ERC2: variants seen among roughly 807,000 people sequenced by gnomAD.
ERC2 encodes ERC protein 2.
ERC2 carries 42 observed loss-of-function variants against 114.8 expected under a neutral mutation model. The observed-to-expected ratio is 0.37, with a 90% CI of 0.29 to 0.47. The LOEUF is 0.47. Among genes scored for constraint, ERC2 ranks in the 20% least tolerant of loss-of-function variants. ERC2 has a pLI of 0.99. For synonymous variants in ERC2, 454 were observed against 425.5 expected (o/e 1.07, Z -0.82); for missense variants, 939 against 1,150.7 (o/e 0.82, Z 2.66).
At chr3:56,368,895 A>T (rs1228655403) in intron 2 of ERC2, among the ~76,000 whole-genome samples, 1 of 152,192 alleles carries the variant, frequency 6.6e-6, no homozygotes, top group Non-Finnish European at 1.5e-5. Flanking sequence ...TAAATATAGC[A>T]GTGAAATTCT....
intron 17 of ERC2, among the ~76,000 whole-genome samples, chr3:55,662,110 G>A (rs1325242920): frequency 9.2e-5 from 14 of 152,238 alleles, no homozygotes; most frequent in East Asian, 3.8e-4. Flanking sequence ...ACAGGACAGC[G>A]TGGGCTGGGA....
At chr3:56,276,471 A>AAAAAAAAAAAAAAC (rs2054002763) in intron 3 of ERC2, among the ~76,000 whole-genome samples, 2 of 151,412 alleles carry the variant, frequency 1.3e-5, no homozygotes, top group East Asian at 1.9e-4. Flanking sequence ...AAAAAAAAAA[A>AAAAAAAAAAAAAAC]AAAAAACAAA....
chr3:55,839,893 T>A (rs1407366145), intron 14 of ERC2, among the ~76,000 whole-genome samples: 1 of 151,942 alleles, frequency 6.6e-6, no homozygotes. Flanking sequence ...AATGCAAAGA[T>A]TTTCATACTG....
At chr3:55,915,058 T>C (rs1045662413) in intron 13 of ERC2, among the ~76,000 whole-genome samples, 2 of 152,182 alleles carry the variant, frequency 1.3e-5, no homozygotes, top group East Asian at 1.9e-4. Context: ...ACTTTTTAAT[T>C]TGATCCACCC....
At chr3:55,792,585 A>G (rs891283469) in intron 14 of ERC2, among the ~76,000 whole-genome samples, 12 of 152,174 alleles carry the variant, frequency 7.9e-5, no homozygotes, top group African/African-American at 2.9e-4. Context: ...TTTGTTGTCT[A>G]TGGAATGTAG....
At chr3:55,521,850 C>T (rs1053393194) in intron 17 of ERC2, among the ~76,000 whole-genome samples, 5 of 152,204 alleles carry the variant, frequency 3.3e-5, no homozygotes, top group African/African-American at 4.8e-5. Flanking sequence ...TGTTGACACA[C>T]GCTGGCCTGG....
chr3:56,108,952 T>C (rs1322523578), intron 6 of ERC2, among the ~76,000 whole-genome samples: 3 of 152,182 alleles, frequency 2.0e-5, no homozygotes, highest in Non-Finnish European at 4.4e-5. Context: ...TAAATTATAT[T>C]AAGATAAATT....
intron 2 of ERC2, among the ~76,000 whole-genome samples, chr3:56,336,469 G>T (rs1288034190): frequency 6.6e-6 from 1 of 152,108 alleles, no homozygotes; most frequent in African/African-American, 2.4e-5. Context: ...GTGTGGTGAT[G>T]AATGCAGATG....
chr3:56,179,148 G>A (rs935993651), intron 3 of ERC2, among the ~76,000 whole-genome samples: 2 of 152,180 alleles, frequency 1.3e-5, no homozygotes, highest in African/African-American at 4.8e-5. Flanking sequence ...CGTCGTGGTG[G>A]CATGCAGCCC....
intron 13 of ERC2, among the ~76,000 whole-genome samples, chr3:55,930,075 C>T (rs905924218): frequency 1.3e-5 from 2 of 152,030 alleles, no homozygotes; most frequent in African/African-American, 2.4e-5. Context: ...CCAATCTCAA[C>T]AAAAAATATA....
At chr3:55,721,572 G>C (rs922528573) in intron 15 of ERC2, among the ~76,000 whole-genome samples, 2 of 152,234 alleles carry the variant, frequency 1.3e-5, no homozygotes, top group African/African-American at 4.8e-5. Context: ...GCCTGTGAGA[G>C]AGAAGCAAAA....
intron 14 of ERC2, among the ~76,000 whole-genome samples, chr3:55,855,890 A>G (rs961527865): frequency 2.6e-5 from 4 of 152,246 alleles, no homozygotes; most frequent in Non-Finnish European, 1.5e-5. Context: ...TTACATAAAA[A>G]GGTGTCCCTG....
intron 7 of ERC2, among the ~76,000 whole-genome samples, chr3:56,068,184 G>T (rs779188700): frequency 7.9e-5 from 12 of 152,072 alleles, no homozygotes; most frequent in Non-Finnish European, 1.8e-4. Context: ...TTTTTTGGTT[G>T]GCGGGCTATT....
intron 3 of ERC2, among the ~76,000 whole-genome samples, chr3:56,250,915 C>T (rs1010955134): frequency 1.3e-5 from 2 of 152,144 alleles, no homozygotes; most frequent in South Asian, 2.1e-4. Context: ...ACCCGCAAAC[C>T]AGCAAAATCT....
At chr3:56,446,536 C>A (rs1392333336) in intron 1 of ERC2, among the ~76,000 whole-genome samples, 1 of 151,426 alleles carries the variant, frequency 6.6e-6, no homozygotes, top group Admixed American at 6.6e-5. Context: ...ATAAGGTATT[C>A]CCAGAAAGTA....
chr3:55,796,562 A>T (rs1380285717), intron 14 of ERC2, among the ~76,000 whole-genome samples: 1 of 152,144 alleles, frequency 6.6e-6, no homozygotes, highest in Non-Finnish European at 1.5e-5. Flanking sequence ...AGTAGCTAGG[A>T]TTATAGGCTT....
Position 56,032,917 on chromosome 3 carries a change from A to C in ERC2, c.1642-13886T>G, listed in dbSNP as rs13084886. 6.1e-3 allele frequency among the ~76,000 whole-genome samples: 458 copies of C among 75,650 alleles called. 5 individuals are homozygous for C. Among genetic ancestry groups the C allele is most frequent in the Middle Eastern group, 0.015 (3 of 206 alleles). 49.6% of individuals were successfully genotyped at this position (75,650 alleles called of 152,430 possible). Reference sequence around the variant, plus strand: ...AGAGAGAGACAGAAAGAAAGAAAGAAAGAAAGAAAGAAAGAAAGAAAGAAA... The same window carrying C: ...AGAGAGAGACAGAAAGAAAGAAAGACAGAAAGAAAGAAAGAAAGAAAGAAA... On this transcript the variant is annotated intron_variant, in intron 7 of 17. Transcript: ENST00000288221.
At chr3:56,135,026 C>T (rs2080424832) in intron 6 of ERC2, among the ~76,000 whole-genome samples, 1 of 151,774 alleles carries the variant, frequency 6.6e-6, no homozygotes. Context: ...AACTCATGCT[C>T]ATTGCAACTT....
At chr3:56,069,835 A>C (rs2076645670) in intron 7 of ERC2, among the ~76,000 whole-genome samples, 1 of 152,230 alleles carries the variant, frequency 6.6e-6, no homozygotes. Context: ...TGTGCCATTA[A>C]TTTAGAATAC....
Sources: gnomAD v4.1 joint callset for allele counts (sites outside exome capture counted in the v4.1 genomes callset) on GRCh38, gnomAD v4.1.1 for gene constraint, MANE v1.5 for transcripts, NCBI Gene and HGNC (gene_info 2026-07-23, HGNC 2026-07-21) for gene names.